PLXDC2: variants seen among roughly 807,000 people sequenced by gnomAD.
PLXDC2 encodes the protein plexin domain containing 2, also known as plexin domain-containing protein 2.
Under a neutral mutation model 68.9 loss-of-function variants are expected in PLXDC2, and 40 were observed. The ratio of observed to expected loss-of-function variants is 0.58; its 90% CI spans 0.45 to 0.76. The LOEUF is 0.76. Ranked by LOEUF, PLXDC2 falls within the 30% of genes least tolerant of loss-of-function variation. PLXDC2 has a pLI of 0.00. For synonymous variants in PLXDC2, 243 were observed against 234.2 expected, an observed-to-expected ratio of 1.04 and a Z score of -0.34; for missense variants, 644 against 661.9, an observed-to-expected ratio of 0.97 and a Z score of 0.30.
intron 7 of PLXDC2, among the ~76,000 whole-genome samples, chr10:20,165,832 G>A (rs530618119): frequency 6.6e-6 from 1 of 152,202 alleles, no homozygotes; most frequent in Non-Finnish European, 1.5e-5. Context: ...AATGCTAACT[G>A]CATTAGCCAT....
chr10:19,921,353 A>G (rs1436955678), intron 1 of PLXDC2, among the ~76,000 whole-genome samples: 1 of 152,180 alleles, frequency 6.6e-6, no homozygotes, highest in African/African-American at 2.4e-5. Context: ...CATAGAGGAT[A>G]TATGATTTTG....
chr10:19,938,106 A>G (rs929100287), intron 1 of PLXDC2, among the ~76,000 whole-genome samples: 5 of 152,146 alleles, frequency 3.3e-5, no homozygotes, highest in African/African-American at 1.2e-4. Context: ...CATAGGCACA[A>G]GATTGTATAC....
chr10:20,007,636 A>G (rs1330377205), intron 2 of PLXDC2, among the ~76,000 whole-genome samples: 1 of 152,222 alleles, frequency 6.6e-6, no homozygotes, highest in East Asian at 1.9e-4. Context: ...AGCTAGGCCA[A>G]TGCCTCTGAA....
chr10:20,101,361 A>G (rs576426158), intron 4 of PLXDC2, among the ~76,000 whole-genome samples: 1 of 152,288 alleles, frequency 6.6e-6, no homozygotes, highest in South Asian at 2.1e-4. Flanking sequence ...CAATCGTTTT[A>G]TTCTTTAGAC....
At chr10:19,931,791 A>G (rs1833639220) in intron 1 of PLXDC2, among the ~76,000 whole-genome samples, 3 of 152,172 alleles carry the variant, frequency 2.0e-5, no homozygotes. Flanking sequence ...CCTCCCTGCC[A>G]TACAGAGCAG....
intron 1 of PLXDC2, among the ~76,000 whole-genome samples, chr10:19,984,046 T>G (rs17760230): frequency 6.6e-6 from 1 of 152,180 alleles, no homozygotes; most frequent in African/African-American, 2.4e-5. Flanking sequence ...TGATGACATA[T>G]TCCCATGGGT....
intron 4 of PLXDC2, among the ~76,000 whole-genome samples, chr10:20,070,188 G>C (rs952197686): frequency 6.6e-6 from 1 of 152,186 alleles, no homozygotes; most frequent in East Asian, 1.9e-4. Context: ...TGCCATAAGG[G>C]ATAGTTCGAG....
chr10:20,184,383 A>T (rs1402696038), intron 9 of PLXDC2, among the ~76,000 whole-genome samples: 1 of 148,026 alleles, frequency 6.8e-6, no homozygotes, highest in Non-Finnish European at 1.5e-5. Flanking sequence ...AAATTATATT[A>T]TATATAAAAT....
chr10:20,227,440 A>G (rs1399582247), intron 12 of PLXDC2, among the ~76,000 whole-genome samples: 1 of 152,176 alleles, frequency 6.6e-6, no homozygotes, highest in Admixed American at 6.5e-5. Flanking sequence ...GAAGAAAAGA[A>G]TTTCAGGAAG....
intron 2 of PLXDC2, among the ~76,000 whole-genome samples, chr10:20,037,145 T>G (rs1419110838): frequency 6.6e-6 from 1 of 152,184 alleles, no homozygotes; most frequent in East Asian, 1.9e-4. Flanking sequence ...AGTGCCTATT[T>G]AGAGTCAGAA....
Position 20,174,571 on chromosome 10 carries a change from A to T in PLXDC2, c.884-2428A>T, listed in dbSNP as rs181590377. ...CCTTTCTCCACCCCTTCTGCAGTAT[A>T]ATGTCATGATGAGTAATTAGAAGTG... On this transcript the variant is annotated intron_variant, in intron 7 of 13. Transcript: ENST00000377252. Among the ~76,000 whole-genome samples the T allele has an allele frequency of 2.6e-4, 39 of 152,112 alleles. No homozygotes were observed. In the East Asian group the frequency reaches 6.0e-3, roughly 23 times the overall value.
chr10:20,047,888 G>C (rs1427727451), intron 3 of PLXDC2, among the ~76,000 whole-genome samples: 1 of 152,118 alleles, frequency 6.6e-6, no homozygotes, highest in Non-Finnish European at 1.5e-5. Flanking sequence ...TGCTCAAATT[G>C]TGTGTGTAAA....
intron 12 of PLXDC2, among the ~76,000 whole-genome samples, chr10:20,224,399 AC>A (rs1835259099): frequency 2.0e-5 from 3 of 152,190 alleles, no homozygotes; most frequent in African/African-American, 7.2e-5. Flanking sequence ...GAAGTAGCTG[AC>A]TAGAAGAGTT....
chr10:20,274,470 A>C (rs1835978804), intron 13 of PLXDC2, among the ~76,000 whole-genome samples: 1 of 152,160 alleles, frequency 6.6e-6, no homozygotes, highest in Admixed American at 6.5e-5. Context: ...TCCATAAGAC[A>C]GTTCTAGAAT....
At chr10:19,926,608 AT>A (rs1215627755) in intron 1 of PLXDC2, among the ~76,000 whole-genome samples, 1 of 151,940 alleles carries the variant, frequency 6.6e-6, no homozygotes, top group Non-Finnish European at 1.5e-5. Context: ...ATTCCTTTCC[AT>A]TTTTTCCCAT....
rs1834615116 is a variant in PLXDC2 at position 19,985,160 on chromosome 10, T to TG, written c.113-16613dup. On this transcript the variant is annotated intron_variant, in intron 1 of 13. Coordinates refer to ENST00000377252, the MANE Select transcript of PLXDC2 (RefSeq NM_032812.9). The stretch of plus-strand genomic sequence containing the variant: ...ACATGCATTGCAAACTGAGATGCTT[T>TG]GGTCAGATTTCTGGTAAGATATGGA... Among the ~76,000 whole-genome samples the TG allele has an allele frequency of 2.0e-5, 3 of 152,250 alleles. No homozygotes were observed. The South Asian group carries it at 6.2e-4, about 31-fold the overall frequency.
intron 9 of PLXDC2, among the ~76,000 whole-genome samples, chr10:20,210,412 G>A (rs1434098331): frequency 1.3e-5 from 2 of 152,134 alleles, no homozygotes; most frequent in African/African-American, 2.4e-5. Flanking sequence ...GACTATGGTA[G>A]CAATGCTTTA....
At chr10:19,910,433 C>T (rs56338409) in intron 1 of PLXDC2, among the ~76,000 whole-genome samples, 3,524 of 151,700 alleles carry the variant, frequency 0.023, 132 homozygotes, top group African/African-American at 0.08. Flanking sequence ...AATCACTATC[C>T]GGGCGGGGAA....
At chr10:19,885,913 G>A (rs1317455104) in intron 1 of PLXDC2, among the ~76,000 whole-genome samples, 15 of 151,918 alleles carry the variant, frequency 9.9e-5, no homozygotes, top group Non-Finnish European at 2.1e-4. Flanking sequence ...AGCTTGATGG[G>A]GATGGCATTG....
Sources: allele counts gnomAD v4.1 joint callset (sites outside exome capture counted in the v4.1 genomes callset), GRCh38; gene constraint gnomAD v4.1.1; transcripts MANE v1.5; gene names NCBI Gene and HGNC (gene_info 2026-07-23, HGNC 2026-07-21).